The following LAMB4 variants were observed in gnomAD, a reference collection of about 807,000 sequenced individuals.
LAMB4 encodes the protein laminin subunit beta 4.
Under a neutral mutation model 199.2 loss-of-function variants are expected in LAMB4, and 196 were observed. The ratio of observed to expected loss-of-function variants is 0.98; its 90% CI spans 0.88 to 1.11. The LOEUF (loss-of-function observed/expected upper bound fraction) is 1.11. LAMB4 is among the 50% of genes least tolerant of loss of function. The pLI, the probability that LAMB4 is intolerant of heterozygous loss-of-function variation, is 0.00. For synonymous variants in LAMB4, 744 were observed against 770.6 expected (o/e 0.97, Z 0.57); for missense variants, 2,080 against 2,171.2 (o/e 0.96, Z 0.83).
At chr7:108,078,423 C>T (rs922644377) in intron 15 of LAMB4, 107 bp from the exon 16 acceptor site, 17 of 677,188 alleles carry the variant, frequency 2.5e-5, no homozygotes, top group Non-Finnish European at 3.8e-5. Context: ...ATTTGCAACC[C>T]CTAGGCCACT....
chr7:108,063,122 A>G (rs1584663107), intron 22 of LAMB4, 128 bp from the exon 23 acceptor site: 1 of 529,058 alleles, frequency 1.9e-6, no homozygotes, highest in East Asian at 3.2e-5. Context: ...AACGCCTTAT[A>G]ATAGTAAAGA....
chr7:108,063,687 T>A lies in LAMB4; in HGVS notation c.3061+74A>T. ...GGGACTGGCCTAACTGAAATGATCATGGGAGAGCTGACAACACACTTATGA... is the reference window on the plus strand; with the variant it reads ...GGGACTGGCCTAACTGAAATGATCAAGGGAGAGCTGACAACACACTTATGA... On this transcript the variant is annotated intron_variant, in intron 22 of 33. Coordinates refer to ENST00000388781, the MANE Select transcript of LAMB4 (RefSeq NM_007356.3). The A allele has an allele frequency of 9.2e-6, 12 of 1,300,482 alleles. No homozygotes were observed. In the South Asian group the frequency reaches 1.3e-4, roughly 14 times the overall value. The allele number at this position is 1,300,482 out of a possible 1,614,324, so 80.6% of individuals were successfully genotyped here.
At chr7:108,112,008 T>C in intron 3 of LAMB4, 62 bp from the exon 4 acceptor site, 1 of 1,390,256 alleles carries the variant, frequency 7.2e-7, no homozygotes, top group Non-Finnish European at 9.9e-7. Flanking sequence ...TTGGGCTAAA[T>C]TAAAGGCAAG....
chr7:108,036,342 C>T (rs1359506125), intron 30 of LAMB4, among the ~76,000 whole-genome samples: 1 of 152,120 alleles, frequency 6.6e-6, no homozygotes, highest in Non-Finnish European at 1.5e-5. Context: ...GCATGCACCA[C>T]TACACCCGGC....
At chr7:108,122,453 C>T (rs553197281) in intron 2 of LAMB4, among the ~76,000 whole-genome samples, 35 of 152,072 alleles carry the variant, frequency 2.3e-4, no homozygotes, top group African/African-American at 7.0e-4. Context: ...CTATTACCAG[C>T]AAATCTAACT....
At chr7:108,033,892 C>G (rs2035133413) in intron 31 of LAMB4, among the ~76,000 whole-genome samples, 2 of 151,996 alleles carry the variant, frequency 1.3e-5, no homozygotes, top group African/African-American at 4.8e-5. Context: ...GGGAGATGCT[C>G]TGGCCTCATA....
the LAMB4 span, among the ~76,000 whole-genome samples, chr7:108,012,647 T>G: frequency 2.0e-5 from 3 of 152,206 alleles, no homozygotes; most frequent in Non-Finnish European, 2.9e-5. Context: ...CATGGTGACT[T>G]ACATCACATC....
rs747144712 is a variant in LAMB4, at chr7:108,107,670, G to C, written c.552C>G (p.Asp184Glu). 9 of 1,611,958 alleles carry C rather than the reference G, an allele frequency of 5.6e-6. No individual in the cohort carries two copies. The highest frequency in any genetic ancestry group is 7.6e-6 in the Non-Finnish European group (9 of 1,179,512). ...AGGGTTCAATATCCGAGTATTTGGA[G>C]TCACAAACAATGTCTCCCACTCCCT... is the stretch of plus-strand genomic sequence containing the variant. ...QAQGVGDIVC[D>E]SKYSDIEPST... The change falls in exon 6 of 34, where the codon GAC becomes GAG. Residue 184 changes from aspartate to glutamate, a missense_variant. Physicochemically the swap from Asp to Glu is conservative, Grantham distance 45. Transcript: ENST00000388781.
At chr7:108,100,501 G>A (rs946000360) in intron 10 of LAMB4, among the ~76,000 whole-genome samples, 2 of 152,112 alleles carry the variant, frequency 1.3e-5, no homozygotes, top group Admixed American at 1.3e-4. Flanking sequence ...TTTGTTACAA[G>A]CTCCTCATCT....
At position 108,063,795 on chromosome 7, in the gene LAMB4, A is replaced by G. The variant is rs2036245345; in HGVS notation, c.3027T>C (p.Gly1009=). 1 of 1,614,174 alleles carries G rather than the reference A, an allele frequency of 6.2e-7. No individual in the cohort carries two copies. Among genetic ancestry groups the G allele is most frequent in the Non-Finnish European group, 8.5e-7 (1 of 1,180,030 alleles). Residue 1009 remains glycine, a synonymous_variant, in exon 22 of 34, where the codon GGT becomes GGC. Transcript: ENST00000388781. ...TCTGATTGAGGGCTGATCCATAGTGACCTGGTTTGCAGAGCTGGCAGTTTG... is the reference window on the plus strand; with the variant it reads ...TCTGATTGAGGGCTGATCCATAGTGGCCTGGTTTGCAGAGCTGGCAGTTTG... The part of the protein sequence containing the change: ...QGANCQLCKP[G]HYGSALNQTC...
At chr7:108,094,652 C>T (rs1194240122) in intron 12 of LAMB4, among the ~76,000 whole-genome samples, 1 of 151,636 alleles carries the variant, frequency 6.6e-6, no homozygotes, top group Admixed American at 6.6e-5. Context: ...TGGGTTTGAA[C>T]TCCCCAATTG....
intron 21 of LAMB4, among the ~76,000 whole-genome samples, chr7:108,065,135 T>C (rs1199165662): frequency 6.6e-6 from 1 of 152,158 alleles, no homozygotes; most frequent in Non-Finnish European, 1.5e-5. Flanking sequence ...CTTGGATTCC[T>C]GGCCTCAAGT....
At chr7:108,021,580 A>G (rs2034694020), downstream of LAMB4, among the ~76,000 whole-genome samples, 1 of 152,076 alleles carries the variant, frequency 6.6e-6, no homozygotes, top group African/African-American at 2.4e-5. Context: ...GTGGTGGCAC[A>G]TGTCTGTGAT....
At chr7:108,051,192 A>G (rs1584635369) in intron 26 of LAMB4, among the ~76,000 whole-genome samples, 1 of 152,312 alleles carries the variant, frequency 6.6e-6, no homozygotes, top group East Asian at 1.9e-4. Context: ...TTCCTTACTC[A>G]TTACATGGCA....
chr7:108,088,814 G>T lies in LAMB4; in HGVS notation c.1701+2812C>A, dbSNP rs190258731. Among the ~76,000 whole-genome samples the T allele has an allele frequency of 4.4e-4, 67 of 152,296 alleles. 1 individual carries two copies. Among genetic ancestry groups the T allele is most frequent in the Middle Eastern group, 3.4e-3 (1 of 294 alleles). On this transcript the variant is annotated intron_variant, in intron 14 of 33. Coordinates refer to ENST00000388781, the MANE Select transcript of LAMB4 (RefSeq NM_007356.3). Reference sequence around the variant, plus strand: ...ATGGCCTCTGTCACATTATTCTCTTGCACAGAAGGTGTATGGTGAACTCAT... The same window carrying T: ...ATGGCCTCTGTCACATTATTCTCTTTCACAGAAGGTGTATGGTGAACTCAT...
At chr7:108,020,401 G>A (rs1395780646), downstream of LAMB4, among the ~76,000 whole-genome samples, 1 of 147,680 alleles carries the variant, frequency 6.8e-6, no homozygotes, top group Admixed American at 6.8e-5. Context: ...AACCTGGGAA[G>A]CAGAGGTTGC....
chr7:108,031,013 C>T, intron 31 of LAMB4, 34 bp from the exon 32 acceptor site: 1 of 1,590,342 alleles, frequency 6.3e-7, no homozygotes, highest in Non-Finnish European at 8.6e-7. Context: ...AAGGGAAAAT[C>T]TCTTTATGAA....
Position 108,055,730 on chromosome 7 carries a change from G to A in LAMB4, c.3657C>T (p.Asp1219=). Residue 1219 remains aspartate (D), a synonymous_variant, in exon 25 of 34, where the codon GAC becomes GAT. Coordinates refer to ENST00000388781, the MANE Select transcript of LAMB4 (RefSeq NM_007356.3). ...TLPVCEADFK[D]LRGNVSEIER... is the part of the protein sequence containing the mutation. The stretch of plus-strand genomic sequence containing the variant: ...CTATTTCAGACACGTTCCCTCTGAG[G>A]TCTTTGAAGTCTGCCTCACAGACAG... The A allele has an allele frequency of 6.2e-7, 1 of 1,614,148 alleles. No homozygotes were observed. The highest frequency in any genetic ancestry group is 8.5e-7 in the Non-Finnish European group (1 of 1,180,000).
Position 108,030,966 on chromosome 7 carries a change from G to A in LAMB4, c.4832C>T (p.Thr1611Ile). 1 of 1,612,174 alleles carries A rather than the reference G, an allele frequency of 6.2e-7. No individual in the cohort carries two copies. Among genetic ancestry groups the A allele is most frequent in the Admixed American group, 1.7e-5 (1 of 59,782 alleles). Residue 1611 changes from threonine to isoleucine, a missense_variant, in exon 32 of 34, where the codon ACC becomes ATC. Physicochemically the swap from Thr to Ile is moderately conservative, Grantham distance 89 (BLOSUM62 -1). Transcript: ENST00000388781. ...KKNVLQAENQ[T>I]REMKSELELA... is the part of the protein sequence containing the mutation. Reference sequence around the variant, plus strand: ...CTCCAGCTCACTCTTCATTTCCCTGGTTTGATTTTCAGCCTGTTGTTGATT... The same window carrying A: ...CTCCAGCTCACTCTTCATTTCCCTGATTTGATTTTCAGCCTGTTGTTGATT...
Sources: gnomAD v4.1 joint callset for allele counts (sites outside exome capture counted in the v4.1 genomes callset) on GRCh38, gnomAD v4.1.1 for gene constraint, MANE v1.5 for transcripts, NCBI Gene and HGNC (gene_info 2026-07-23, HGNC 2026-07-21) for gene names.